Variants in EYS observed in about 807,000 individuals in gnomAD.
EYS encodes the protein protein eyes shut homolog.
A neutral mutation model predicts 282.1 loss-of-function variants in EYS; 250 were observed. That is an observed-to-expected ratio of 0.89 (90% CI 0.80 to 0.98). EYS has a LOEUF of 0.98. Among genes scored for constraint, EYS ranks in the 50% least tolerant of loss-of-function variants. The probability of loss-of-function intolerance (pLI) is 0.00; values close to 1 mark genes in which losing one functional copy is unlikely to be tolerated. For synonymous variants in EYS, 1,355 were observed against 1,282.9 expected (o/e 1.06, Z -1.20); for missense variants, 4,016 against 3,709.0 (o/e 1.08, Z -2.15).
intron 36 of EYS, among the ~76,000 whole-genome samples, chr6:63,830,663 C>A (rs955509715): frequency 1.3e-5 from 2 of 152,182 alleles, no homozygotes; most frequent in African/African-American, 4.8e-5. Flanking sequence ...TCCAGGAGAA[C>A]TTCCCCAACC....
chr6:64,807,181 C>A (rs948836524), intron 22 of EYS, among the ~76,000 whole-genome samples: 1 of 152,024 alleles, frequency 6.6e-6, no homozygotes. Flanking sequence ...TGTCTAACTG[C>A]AAGAATAGTC....
At chr6:64,288,285 T>C (rs1428498675) in intron 30 of EYS, among the ~76,000 whole-genome samples, 1 of 152,264 alleles carries the variant, frequency 6.6e-6, no homozygotes, top group Middle Eastern at 3.4e-3. Context: ...GCATATCATA[T>C]ACTGGGTGAC....
intron 5 of EYS, among the ~76,000 whole-genome samples, chr6:65,426,188 A>G (rs1562172801): frequency 6.6e-6 from 1 of 152,006 alleles, no homozygotes; most frequent in Non-Finnish European, 1.5e-5. Context: ...TACGTTGCTT[A>G]GGCTGGTTTC....
At chr6:63,787,860 A>G (rs1445163140) in intron 39 of EYS, among the ~76,000 whole-genome samples, 2 of 152,044 alleles carry the variant, frequency 1.3e-5, no homozygotes, top group Non-Finnish European at 2.9e-5. Context: ...AATCACTTGA[A>G]CCCAGGAGGC....
At chr6:64,627,582 T>C (rs952819102) in intron 22 of EYS, among the ~76,000 whole-genome samples, 10 of 152,204 alleles carry the variant, frequency 6.6e-5, no homozygotes, top group African/African-American at 2.4e-4. Flanking sequence ...TCTGTACTTA[T>C]CAGCTAGCCA....
chr6:64,301,989 C>T (rs1769255106), intron 30 of EYS, among the ~76,000 whole-genome samples: 1 of 152,190 alleles, frequency 6.6e-6, no homozygotes, highest in Non-Finnish European at 1.5e-5. Flanking sequence ...TTATTTACTG[C>T]AGAACCTTGA....
chr6:64,235,691 T>C (rs1166377103), intron 30 of EYS, among the ~76,000 whole-genome samples: 1 of 152,172 alleles, frequency 6.6e-6, no homozygotes, highest in Admixed American at 6.5e-5. Context: ...GTTGAACTAG[T>C]TTACAGTCCC....
At chr6:64,416,856 T>G (rs11751191) in intron 28 of EYS, among the ~76,000 whole-genome samples, 36,609 of 152,014 alleles carry the variant, frequency 0.24, 4,940 homozygotes, top group East Asian at 0.39. Context: ...GATAACCTAA[T>G]AATAATCTTA....
intron 5 of EYS, among the ~76,000 whole-genome samples, chr6:65,427,838 T>G (rs1767721849): frequency 6.6e-6 from 1 of 152,024 alleles, no homozygotes; most frequent in Non-Finnish European, 1.5e-5. Flanking sequence ...CATGACATAC[T>G]AAGGAGAGAA....
In EYS at chr6:65,168,142, G is replaced by T. The variant is rs1581975439; in HGVS notation, c.2024-110415C>A. On this transcript the variant is annotated intron_variant, in intron 12 of 42. Coordinates refer to ENST00000503581, the MANE Select transcript of EYS (RefSeq NM_001142800.2). Reference sequence around the variant, plus strand: ...TATGGTTATTTCTCAATCTGTTAGTGACATGACATTTTTTAAGTTGCTGAT... The same window carrying T: ...TATGGTTATTTCTCAATCTGTTAGTTACATGACATTTTTTAAGTTGCTGAT... 4.6e-5 allele frequency among the ~76,000 whole-genome samples: 7 copies of T among 151,262 alleles called. No individual in the cohort carries two copies. The South Asian group carries it at 1.5e-3, about 31-fold the overall frequency.
Position 65,329,633 on chromosome 6 carries a change from G to T in EYS, c.1766+5347C>A, listed in dbSNP as rs147081869. The T allele has an allele frequency of 1.6e-4, 155 of 981,464 alleles. No homozygotes were observed. In the African/African-American group the frequency reaches 2.7e-3, roughly 17 times the overall value. The allele number at this position is 981,464 out of a possible 1,614,324, so 60.8% of individuals were successfully genotyped here. ...CTTTTACTTGAAGGCAGAAAAGTTT[G>T]CATAGTATAGCCAAAATAAATAAAT... On this transcript the variant is annotated intron_variant, in intron 11 of 42. Transcript: ENST00000503581.
intron 19 of EYS, among the ~76,000 whole-genome samples, chr6:64,873,328 C>T (rs558541522): frequency 2.0e-4 from 30 of 152,138 alleles, no homozygotes; most frequent in Non-Finnish European, 3.1e-4. Context: ...TACTTCTCAC[C>T]GGGTCCCTCC....
chr6:65,699,304 A>G (rs1161288900), intron 1 of EYS, among the ~76,000 whole-genome samples: 1 of 152,182 alleles, frequency 6.6e-6, no homozygotes, highest in Non-Finnish European at 1.5e-5. Context: ...TATTTTTATC[A>G]AAATTATGAA....
chr6:65,684,124 G>A (rs888015571), intron 1 of EYS, among the ~76,000 whole-genome samples: 6 of 151,896 alleles, frequency 4.0e-5, no homozygotes, highest in African/African-American at 1.2e-4. Flanking sequence ...TTTGTTTGGT[G>A]GAGATGTAAC....
rs1764329468 is a variant in EYS at position 64,167,470 on chromosome 6, A to C, written c.6424+63122T>G. Among the ~76,000 whole-genome samples the C allele has an allele frequency of 2.0e-5, 3 of 152,220 alleles. No homozygotes were observed. The East Asian group carries it at 5.8e-4, about 29-fold the overall frequency. ...TGGCTTTTTTTCTTTCAAATTTAGC[A>C]CATGGGTTTATTTATGGCAGACAGG... On this transcript the variant is annotated intron_variant, in intron 31 of 42. Coordinates refer to ENST00000503581, the MANE Select transcript of EYS (RefSeq NM_001142800.2).
intron 41 of EYS, among the ~76,000 whole-genome samples, chr6:63,731,030 A>G (rs1389979914): frequency 6.6e-6 from 1 of 152,126 alleles, no homozygotes; most frequent in Non-Finnish European, 1.5e-5. Context: ...AAAAAAAATT[A>G]TTTTGTTATT....
Position 63,762,634 on chromosome 6 carries a change from C to T in EYS, c.7899-1G>A. On this transcript the variant is annotated splice_acceptor_variant, in intron 40 of 42. Coordinates refer to ENST00000503581, the MANE Select transcript of EYS (RefSeq NM_001142800.2). LOFTEE classifies it high-confidence loss of function. Reference sequence around the variant, plus strand: ...TTTCCACCCAGTGGTACAATTGCAGCTGTGGGTTGAGAGAAAGCCGCATGG... The same window carrying T: ...TTTCCACCCAGTGGTACAATTGCAGTTGTGGGTTGAGAGAAAGCCGCATGG... 1 of 1,549,318 alleles carries T rather than the reference C, an allele frequency of 6.5e-7. No homozygotes were observed. The highest frequency in any genetic ancestry group is 2.4e-5 in the East Asian group (1 of 40,864).
chr6:63,988,277 G>T (rs928810139), intron 34 of EYS, among the ~76,000 whole-genome samples: 2 of 151,550 alleles, frequency 1.3e-5, no homozygotes, highest in Non-Finnish European at 3.0e-5. Context: ...TCACACACCT[G>T]GAAAAGTGAA....
chr6:63,886,776 A>G (rs79799994), intron 35 of EYS, among the ~76,000 whole-genome samples: 3,000 of 152,282 alleles, frequency 0.02, 61 homozygotes, highest in South Asian at 0.1. Flanking sequence ...CCCCAAAAGC[A>G]TTAAATCAAA....
Sources: gnomAD v4.1 joint callset for allele counts (sites outside exome capture counted in the v4.1 genomes callset) on GRCh38, gnomAD v4.1.1 for gene constraint, MANE v1.5 for transcripts, NCBI Gene and HGNC (gene_info 2026-07-23, HGNC 2026-07-21) for gene names.